The following AMN1 variants were observed in gnomAD, a reference collection of about 807,000 sequenced individuals.
The protein encoded by AMN1 is antagonist of mitotic exit network 1 homolog.
In AMN1, 20 loss-of-function variants were observed where a neutral mutation model predicts 33.0. The ratio of observed to expected loss-of-function variants is 0.61; its 90% CI spans 0.43 to 0.88. The LOEUF is 0.88. AMN1 is among the 40% of genes least tolerant of loss of function. AMN1 has a pLI of 0.00. For missense variants in AMN1, 246 were observed against 307.4 expected (o/e 0.80, Z 1.49); for synonymous variants, 114 against 111.9 (o/e 1.02, Z -0.12).
intron 1 of AMN1, among the ~76,000 whole-genome samples, chr12:31,720,918 G>A (rs1309782175): frequency 6.6e-6 from 1 of 152,200 alleles, no homozygotes. Flanking sequence ...ATTCAACTGG[G>A]TATAGACTTA....
rs370982056 is a variant in AMN1, at chr12:31,706,879, A to T, written c.171+2414T>A. Among the ~76,000 whole-genome samples the T allele has an allele frequency of 5.3e-5, 8 of 152,308 alleles. No homozygotes were observed. In the East Asian group the frequency reaches 1.5e-3, roughly 29 times the overall value. On this transcript the variant is annotated intron_variant, in intron 2 of 6. Coordinates refer to ENST00000281471, the MANE Select transcript of AMN1 (RefSeq NM_001113402.2). ...ACAGGCCAAAACAAGACATCTAGAG[A>T]GCACCACTATTTCAAAAGAAAAACA...
chr12:31,696,745 G>A (rs1479428577), intron 5 of AMN1, among the ~76,000 whole-genome samples: 14 of 151,806 alleles, frequency 9.2e-5, no homozygotes, highest in Non-Finnish European at 2.1e-4. Flanking sequence ...TGGCCAACAC[G>A]GTGAAACCCC....
chr12:31,727,374 T>C (rs1483765599), intron 1 of AMN1, among the ~76,000 whole-genome samples: 1 of 152,232 alleles, frequency 6.6e-6, no homozygotes, highest in Non-Finnish European at 1.5e-5. Context: ...CTAAAACCTT[T>C]GATAGCTCCC....
chr12:31,692,915 G>A (rs1938566348), intron 5 of AMN1, among the ~76,000 whole-genome samples: 1 of 151,996 alleles, frequency 6.6e-6, no homozygotes. Flanking sequence ...ATTTATTGAG[G>A]TACTACCACA....
chr12:31,697,490 T>G (rs1938782888), intron 4 of AMN1, 73 bp from the exon 5 acceptor site: 1 of 1,437,874 alleles, frequency 7.0e-7, no homozygotes, highest in Non-Finnish European at 9.7e-7. Flanking sequence ...AATGTATTCA[T>G]TATTTAGATA....
chr12:31,716,392 G>C (rs1939677700), intron 1 of AMN1, among the ~76,000 whole-genome samples: 2 of 152,204 alleles, frequency 1.3e-5, no homozygotes, highest in South Asian at 4.1e-4. Flanking sequence ...GGAACTGCTG[G>C]CTCATAGGGT....
intron 3 of AMN1, among the ~76,000 whole-genome samples, chr12:31,700,153 T>A (rs1367873156): frequency 3.3e-4 from 44 of 133,736 alleles, no homozygotes; most frequent in Middle Eastern, 3.7e-3. Context: ...TTCTTATATT[T>A]AAAAAAAAAA....
intron 5 of AMN1, among the ~76,000 whole-genome samples, chr12:31,693,730 C>T (rs1019143462): frequency 1.1e-4 from 17 of 151,034 alleles, no homozygotes; most frequent in African/African-American, 3.7e-4. Context: ...TTAGTAGAGA[C>T]GGGGTTTCTC....
chr12:31,676,523 C>T lies in AMN1; in HGVS notation c.704-4146G>A, dbSNP rs568731243. Among the ~76,000 whole-genome samples, 902 of 150,788 alleles carry T rather than the reference C, an allele frequency of 6.0e-3. 10 individuals carry two copies. Among genetic ancestry groups the T allele is most frequent in the South Asian group, 0.025 (120 of 4,710 alleles). Reference sequence around the variant, plus strand: ...ATTTTTAGTAGAGATGGGGTTTCACCATGTTAGCCAGGATGGTCTCGATCT... The same window carrying T: ...ATTTTTAGTAGAGATGGGGTTTCACTATGTTAGCCAGGATGGTCTCGATCT... On this transcript the variant is annotated intron_variant, in intron 6 of 6. Transcript: ENST00000281471.
At chr12:31,713,855 GA>G (rs1031569713) in intron 1 of AMN1, among the ~76,000 whole-genome samples, 3 of 147,490 alleles carry the variant, frequency 2.0e-5, no homozygotes, top group Non-Finnish European at 4.5e-5. Context: ...CTCAAAAAAA[GA>G]AAAAAAAAAT....
At chr12:31,701,777 C>T in intron 3 of AMN1, 86 bp downstream of exon 3, 1 of 1,151,342 alleles carries the variant, frequency 8.7e-7, no homozygotes, top group Non-Finnish European at 1.2e-6. Flanking sequence ...TTCATACTCT[C>T]TTTTGACGTA....
At chr12:31,699,162 G>T (rs530096690) in intron 3 of AMN1, among the ~76,000 whole-genome samples, 2 of 151,954 alleles carry the variant, frequency 1.3e-5, no homozygotes, top group South Asian at 4.2e-4. Flanking sequence ...AGGCCGAGGC[G>T]GGCAGATTAC....
In AMN1 at chr12:31,706,601, A is replaced by T. The variant is rs75347776; in HGVS notation, c.171+2692T>A. Among the ~76,000 whole-genome samples, 36 of 152,360 alleles carry T rather than the reference A, an allele frequency of 2.4e-4. No homozygotes were observed. In the East Asian group the frequency reaches 6.6e-3, roughly 28 times the overall value. ...TAACACAGGAGTAGTATCGAAGGAA[A>T]TTATCTACTCTGCTATTTAATAACC... On this transcript the variant is annotated intron_variant, in intron 2 of 6. Transcript: ENST00000281471.
rs1938312283 is a variant in AMN1 at position 31,687,451 on chromosome 12, G to A, written c.703+1556C>T. 6.6e-6 allele frequency among the ~76,000 whole-genome samples: 1 copy of A among 152,180 alleles called. No homozygotes were observed. Among genetic ancestry groups the A allele is most frequent in the Admixed American group, 6.5e-5 (1 of 15,274 alleles). ...CACGCCTGTGATCCCAGCACTTTGG[G>A]AGGCTGGGGTGGGTGGATCATGAGG... On this transcript the variant is annotated intron_variant, in intron 6 of 6. Transcript: ENST00000281471. This position sits in a 1 kb window ranked among gnomAD's most constrained non-coding sequence, Gnocchi z 4.1.
At chr12:31,686,805 T>A (rs1038404850) in intron 6 of AMN1, among the ~76,000 whole-genome samples, 3 of 152,208 alleles carry the variant, frequency 2.0e-5, no homozygotes, top group Non-Finnish European at 4.4e-5. Context: ...GTCGAAAAAC[T>A]GTAAATTGAT....
chr12:31,671,582 G>A lies in AMN1; in HGVS notation c.*722C>T, dbSNP rs1951272768. 6.6e-6 allele frequency: 1 copy of A among 152,156 alleles called. No homozygotes were observed. Among genetic ancestry groups the A allele is most frequent in the Admixed American group, 6.5e-5 (1 of 15,274 alleles). The allele number at this position is 152,156 out of a possible 1,614,324, so 9.4% of individuals were successfully genotyped here. A position where few individuals can be genotyped will look rare whatever the true frequency, so the allele number is the denominator to read the frequency against. On this transcript the variant is annotated 3_prime_UTR_variant, in exon 7 of 7. Coordinates refer to ENST00000281471, the MANE Select transcript of AMN1 (RefSeq NM_001113402.2). The stretch of plus-strand genomic sequence containing the variant: ...AATAAACCTGAGGATACAAGTCTCT[G>A]TAGTGATATTCTGTATTTACTCATT...
intron 3 of AMN1, 38 bp downstream of exon 3, chr12:31,701,825 T>C: frequency 1.3e-6 from 2 of 1,526,636 alleles, no homozygotes; most frequent in East Asian, 4.8e-5. Flanking sequence ...AGATAGTGAA[T>C]AGTAATCTAC....
intron 6 of AMN1, among the ~76,000 whole-genome samples, chr12:31,679,643 A>C (rs1028486134): frequency 6.6e-6 from 1 of 152,210 alleles, no homozygotes; most frequent in Non-Finnish European, 1.5e-5. Context: ...CCTGCCTCTC[A>C]GGGTAAAACA....
chr12:31,696,249 TA>T (rs1938721958), intron 5 of AMN1, among the ~76,000 whole-genome samples: 1 of 145,708 alleles, frequency 6.9e-6, no homozygotes, highest in Non-Finnish European at 1.5e-5. Context: ...AATAAATAAA[TA>T]AATTAATTAA....
Sources: gnomAD v4.1 joint callset for allele counts (sites outside exome capture counted in the v4.1 genomes callset) on GRCh38, gnomAD v4.1.1 for gene constraint, Gnocchi (gnomAD v3.1) non-coding constraint, MANE v1.5 for transcripts, NCBI Gene and HGNC (gene_info 2026-07-23, HGNC 2026-07-21) for gene names.